Variants in PIAS4 observed in about 807,000 individuals in gnomAD.
PIAS4 encodes E3 SUMO-protein ligase PIAS4.
Under a neutral mutation model 58.0 loss-of-function variants are expected in PIAS4, and 7 were observed. The observed-to-expected ratio is 0.12, with a 90% CI of 0.07 to 0.23. The LOEUF (loss-of-function observed/expected upper bound fraction) is 0.23, where lower values mean the gene tolerates loss of function less well. PIAS4 is among the 10% of genes least tolerant of loss of function. The pLI is 1.00. For missense variants in PIAS4, 550 were observed against 709.5 expected (o/e 0.78, Z 2.55); for synonymous variants, 364 against 312.4 (o/e 1.17, Z -1.74).
intron 2 of PIAS4, among the ~76,000 whole-genome samples, chr19:4,019,192 G>T (rs368062973): frequency 1.3e-5 from 2 of 152,322 alleles, no homozygotes; most frequent in African/African-American, 4.8e-5. Flanking sequence ...TGACCCCGAG[G>T]GCAGAAGGGC....
intron 3 of PIAS4, among the ~76,000 whole-genome samples, chr19:4,024,767 T>G (rs1286335903): frequency 6.6e-6 from 1 of 152,104 alleles, no homozygotes; most frequent in East Asian, 1.9e-4. Flanking sequence ...TTTTTGTTTT[T>G]TTTTTTTGAG....
At chr19:4,007,915 C>A in intron 1 of PIAS4, 128 bp downstream of exon 1, 1 of 601,638 alleles carries the variant, frequency 1.7e-6, no homozygotes, top group Non-Finnish European at 2.3e-6. Flanking sequence ...GCCGTCCCGG[C>A]CCCCAGACCC....
chr19:4,037,655 T>C lies in PIAS4; in HGVS notation c.1313T>C (p.Val438Ala), dbSNP rs868752033. The change falls in exon 11 of 11, where the codon GTC becomes GCC. Residue 438 changes from valine to alanine, a missense_variant. Transcript: ENST00000262971. The surrounding 1 kb of genome is among the most constrained non-coding windows in gnomAD (Gnocchi z 5.8). Reference sequence around the variant, plus strand: ...AATGGGCTCCTGCCCGCCCCCAGCGTCAACGGGAGCGGTGCCCTGGGCAGC... The same window carrying C: ...AATGGGCTCCTGCCCGCCCCCAGCGCCAACGGGAGCGGTGCCCTGGGCAGC... ...DANGLLPAPS[V>A]NGSGALGSTG... 1 of 1,611,910 alleles carries C rather than the reference T, an allele frequency of 6.2e-7. No individual in the cohort carries two copies. Among genetic ancestry groups the C allele is most frequent in the Middle Eastern group, 1.6e-4 (1 of 6,062 alleles).
At chr19:4,028,076 G>C in intron 3 of PIAS4, 70 bp from the exon 4 acceptor site, 2 of 1,464,608 alleles carry the variant, frequency 1.4e-6, no homozygotes, top group South Asian at 2.3e-5. Flanking sequence ...CACCTTGTCG[G>C]GTGGGCTGGG....
chr19:4,019,096 C>T (rs1246721909), intron 2 of PIAS4, among the ~76,000 whole-genome samples: 1 of 152,128 alleles, frequency 6.6e-6, no homozygotes, highest in Non-Finnish European at 1.5e-5. Flanking sequence ...ACAGAGCTGA[C>T]AGGACTGGCT....
At position 4,038,204 on chromosome 19, in the gene PIAS4, C is replaced by T. The variant is rs1473886217; in HGVS notation, c.*329C>T. ...TAGTGGGCGGGAGGGACCAGGACGC[C>T]GCCCCGCGCCCTCCCCTCCGGATGC... On this transcript the variant is annotated 3_prime_UTR_variant, in exon 11 of 11. Coordinates refer to ENST00000262971, the MANE Select transcript of PIAS4 (RefSeq NM_015897.4). The surrounding 1 kb of genome is among the most constrained non-coding windows in gnomAD (Gnocchi z 4.1). The T allele has an allele frequency of 2.4e-5, 7 of 286,782 alleles. No individual in the cohort carries two copies. Among genetic ancestry groups the T allele is most frequent in the African/African-American group, 4.6e-5 (2 of 43,168 alleles). 17.8% of individuals were successfully genotyped at this position (286,782 alleles called of 1,614,324 possible). A position where few individuals can be genotyped will look rare whatever the true frequency, so the allele number is the denominator to read the frequency against.
In PIAS4 at chr19:4,024,057, T is replaced by G; in HGVS notation, c.476T>G (p.Leu159Arg). ...TELVPQNNEK[L>R]QESPCIFALT... is the part of the protein sequence containing the mutation. Reference sequence around the variant, plus strand: ...TCAGTCCCACAGAACAACGAGAAGCTTCAGGAGAGCCCGTGCATCTTCGCA... The same window carrying G: ...TCAGTCCCACAGAACAACGAGAAGCGTCAGGAGAGCCCGTGCATCTTCGCA... Residue 159 changes from leucine to arginine, a missense_variant, in exon 3 of 11, where the codon CTT (leucine) becomes CGT (arginine). Around this residue, in one of 4 missense-constraint regions of PIAS4, gnomAD observed 225 missense variants for 345.8 expected, o/e 0.65. Coordinates refer to ENST00000262971, the MANE Select transcript of PIAS4 (RefSeq NM_015897.4). The G allele has an allele frequency of 6.2e-7, 1 of 1,613,936 alleles. No individual in the cohort carries two copies. The highest frequency in any genetic ancestry group is 8.5e-7 in the Non-Finnish European group (1 of 1,179,832).
chr19:4,036,003 G>A (rs201664324), intron 9 of PIAS4, among the ~76,000 whole-genome samples: 1 of 55,254 alleles, frequency 1.8e-5, no homozygotes, highest in African/African-American at 6.1e-5. Context: ...CATCTGTACA[G>A]TCCACACCTT....
At chr19:4,032,803 G>T (rs2040234585) in intron 7 of PIAS4, among the ~76,000 whole-genome samples, 1 of 152,200 alleles carries the variant, frequency 6.6e-6, no homozygotes, top group Non-Finnish European at 1.5e-5. Context: ...CATGAAACTT[G>T]CCAGAAAAGT....
chr19:4,019,949 C>T (rs1274536606), intron 2 of PIAS4, among the ~76,000 whole-genome samples: 5 of 150,894 alleles, frequency 3.3e-5, no homozygotes, highest in African/African-American at 9.8e-5. Context: ...AATGGAGTCT[C>T]GCTGTCGCCC....
chr19:4,021,341 G>T (rs1435503290), intron 2 of PIAS4, among the ~76,000 whole-genome samples: 3 of 151,940 alleles, frequency 2.0e-5, no homozygotes, highest in Non-Finnish European at 4.4e-5. Flanking sequence ...TAGAGATGGG[G>T]TTACCATATT....
chr19:4,034,311 G>A (rs1048049090), intron 9 of PIAS4, among the ~76,000 whole-genome samples: 6 of 152,154 alleles, frequency 3.9e-5, no homozygotes, highest in East Asian at 3.9e-4. Flanking sequence ...TGGCCTCAGC[G>A]GACTGTGCAG....
At chr19:4,034,576 C>T (rs905077667) in intron 9 of PIAS4, among the ~76,000 whole-genome samples, 3 of 152,222 alleles carry the variant, frequency 2.0e-5, no homozygotes, top group African/African-American at 4.8e-5. Context: ...ATCCCAGCTT[C>T]GGGTAGAGAG....
Position 4,039,285 on chromosome 19 carries a change from C to T in PIAS4, c.*1410C>T, listed in dbSNP as rs769152673. 1.3e-5 allele frequency: 2 copies of T among 152,288 alleles called. No homozygotes were observed. The highest frequency in any genetic ancestry group is 2.4e-5 in the African/African-American group (1 of 41,476). 9.4% of individuals were successfully genotyped at this position (152,288 alleles called of 1,614,324 possible). A position where few individuals can be genotyped will look rare whatever the true frequency, so the allele number is the denominator to read the frequency against. Reference sequence around the variant, plus strand: ...CGCAGCCCGCTGCGCAGCTCGGCCCCTCCCGCCCGCACGGGCAGCTGAAGG... The same window carrying T: ...CGCAGCCCGCTGCGCAGCTCGGCCCTTCCCGCCCGCACGGGCAGCTGAAGG... On this transcript the variant is annotated 3_prime_UTR_variant, in exon 11 of 11. Transcript: ENST00000262971.
Position 4,007,749 on chromosome 19 carries a change from C to G in PIAS4, c.-12C>G. ...CTGGGGGCTCCCGGCGCGGGGGACG[C>G]TGGTGACCAAGATGGCGGCGGAGCT... On this transcript the variant is annotated 5_prime_UTR_variant, in exon 1 of 11. Transcript: ENST00000262971. The G allele has an allele frequency of 8.2e-7, 1 of 1,216,270 alleles. No homozygotes were observed. The highest frequency in any genetic ancestry group is 1.0e-6 in the Non-Finnish European group (1 of 971,172). 75.3% of individuals were successfully genotyped at this position (1,216,270 alleles called of 1,614,324 possible).
At chr19:4,010,755 T>C (rs572710552) in intron 1 of PIAS4, among the ~76,000 whole-genome samples, 1 of 152,328 alleles carries the variant, frequency 6.6e-6, no homozygotes, top group South Asian at 2.1e-4. Flanking sequence ...GGTGTCCTCA[T>C]TGTGAAATTA....
In PIAS4 at chr19:4,038,042, C is replaced by T. The variant is rs561101233; in HGVS notation, c.*167C>T. ...CACCTGTACCTCTGGACTCTCCTAT[C>T]GGGGGATTAAAAAAAAAAGTAAAAT... On this transcript the variant is annotated 3_prime_UTR_variant, in exon 11 of 11. Transcript: ENST00000262971. The surrounding 1 kb of genome is among the most constrained non-coding windows in gnomAD (Gnocchi z 4.1). 193 of 544,084 alleles carry T rather than the reference C, an allele frequency of 3.5e-4. 2 individuals are homozygous for T. The South Asian group carries it at 4.3e-3, about 12-fold the overall frequency. The allele number at this position is 544,084 out of a possible 1,614,324, so 33.7% of individuals were successfully genotyped here.
intron 3 of PIAS4, among the ~76,000 whole-genome samples, chr19:4,025,622 C>T (rs2040155489): frequency 6.6e-6 from 1 of 152,154 alleles, no homozygotes; most frequent in Admixed American, 6.5e-5. Flanking sequence ...CCAGCCGAGC[C>T]AGGCTTGGCC....
chr19:4,034,456 A>G lies in PIAS4; in HGVS notation c.1142+876A>G, dbSNP rs545097979. Among the ~76,000 whole-genome samples, 10 of 152,360 alleles carry G rather than the reference A, an allele frequency of 6.6e-5. No homozygotes were observed. In the South Asian group the frequency reaches 1.2e-3, roughly 19 times the overall value. On this transcript the variant is annotated intron_variant, in intron 9 of 10. Coordinates refer to ENST00000262971, the MANE Select transcript of PIAS4 (RefSeq NM_015897.4). ...TTTACAGACGAGGAAACAGGCTCAG[A>G]GGAGGCAACCAGCAGCTGGAGCTAC...
Sources: allele counts gnomAD v4.1 joint callset (sites outside exome capture counted in the v4.1 genomes callset), GRCh38; gene constraint gnomAD v4.1.1; regional missense constraint gnomAD v4.1.1; non-coding constraint Gnocchi (gnomAD v3.1); transcripts MANE v1.5; gene names NCBI Gene and HGNC (gene_info 2026-07-23, HGNC 2026-07-21).